The following NXPH2 variants were observed in gnomAD, a reference collection of about 807,000 sequenced individuals.
NXPH2 encodes neurexophilin-2.
NXPH2 carries 5 observed loss-of-function variants against 19.8 expected under a neutral mutation model. The ratio of observed to expected loss-of-function variants is 0.25; its 90% CI spans 0.13 to 0.53. The LOEUF is 0.53. NXPH2 is among the 20% of genes least tolerant of loss of function. The pLI, the probability that NXPH2 is intolerant of heterozygous loss-of-function variation, is 0.96. For missense variants in NXPH2, 289 were observed against 322.8 expected, an observed-to-expected ratio of 0.90 and a Z score of 0.80; for synonymous variants, 154 against 127.4, an observed-to-expected ratio of 1.21 and a Z score of -1.41.
At chr2:138,676,123 G>A (rs762330365) in intron 1 of NXPH2, among the ~76,000 whole-genome samples, 9 of 152,144 alleles carry the variant, frequency 5.9e-5, no homozygotes, top group South Asian at 2.1e-4. Context: ...TAAAATACAC[G>A]TACAGTTCTC....
chr2:138,755,256 C>T (rs1681889805), intron 1 of NXPH2, among the ~76,000 whole-genome samples: 2 of 151,966 alleles, frequency 1.3e-5, no homozygotes. Flanking sequence ...GACCCAAGGT[C>T]ACATAGATTT....
chr2:138,759,546 C>G (rs1393865032), intron 1 of NXPH2, among the ~76,000 whole-genome samples: 1 of 150,948 alleles, frequency 6.6e-6, no homozygotes, highest in African/African-American at 2.4e-5. Context: ...AGATTGCCAG[C>G]CCACTTTACC....
intron 1 of NXPH2, among the ~76,000 whole-genome samples, chr2:138,716,453 T>G (rs1681196544): frequency 6.6e-6 from 1 of 152,158 alleles, no homozygotes; most frequent in Admixed American, 6.5e-5. Context: ...GGAAGAATAC[T>G]CTCACCATAC....
chr2:138,708,239 C>G (rs1681046679), intron 1 of NXPH2, among the ~76,000 whole-genome samples: 2 of 152,208 alleles, frequency 1.3e-5, no homozygotes, highest in Admixed American at 6.5e-5. Flanking sequence ...CTGCTACTTT[C>G]CTCAGCCGTC....
At chr2:138,761,290 C>T (rs1682011191) in intron 1 of NXPH2, among the ~76,000 whole-genome samples, 1 of 152,168 alleles carries the variant, frequency 6.6e-6, no homozygotes, top group Non-Finnish European at 1.5e-5. Context: ...AATGTTTCGT[C>T]TGATTGATGT....
chr2:138,713,505 T>C (rs1249708174), intron 1 of NXPH2, among the ~76,000 whole-genome samples: 1 of 152,094 alleles, frequency 6.6e-6, no homozygotes, highest in African/African-American at 2.4e-5. Flanking sequence ...GTGAGAGAAA[T>C]AAAATGAATA....
chr2:138,768,926 C>T (rs1298317703), intron 1 of NXPH2, among the ~76,000 whole-genome samples: 1 of 152,152 alleles, frequency 6.6e-6, no homozygotes, highest in African/African-American at 2.4e-5. Flanking sequence ...GAATCCAAGT[C>T]AGCCTGACAT....
intron 1 of NXPH2, among the ~76,000 whole-genome samples, chr2:138,772,485 C>T (rs959773975): frequency 1.3e-5 from 2 of 152,052 alleles, no homozygotes; most frequent in Non-Finnish European, 2.9e-5. Flanking sequence ...TTAGTAGAGA[C>T]GGGGTTTCTC....
intron 1 of NXPH2, among the ~76,000 whole-genome samples, chr2:138,777,675 A>T (rs1018136543): frequency 6.6e-6 from 1 of 151,862 alleles, no homozygotes; most frequent in Non-Finnish European, 1.5e-5. Context: ...GGTAATTTTC[A>T]TATCACTAAA....
intron 1 of NXPH2, among the ~76,000 whole-genome samples, chr2:138,714,140 A>G (rs529546757): frequency 2.6e-5 from 4 of 152,268 alleles, no homozygotes; most frequent in Non-Finnish European, 4.4e-5. Context: ...TCAGTTCTCA[A>G]AATTCATACT....
At chr2:138,674,040 T>C (rs1452972154) in intron 1 of NXPH2, among the ~76,000 whole-genome samples, 3 of 151,898 alleles carry the variant, frequency 2.0e-5, no homozygotes, top group African/African-American at 4.8e-5. Flanking sequence ...GCTGGAGGCA[T>C]AATCATAGCT....
chr2:138,696,300 G>T (rs912421110), intron 1 of NXPH2, among the ~76,000 whole-genome samples: 1 of 152,066 alleles, frequency 6.6e-6, no homozygotes, highest in African/African-American at 2.4e-5. Context: ...ATAGAATAGA[G>T]AATCCAGAAA....
At chr2:138,686,716 A>C (rs2104972904) in intron 1 of NXPH2, among the ~76,000 whole-genome samples, 1 of 152,002 alleles carries the variant, frequency 6.6e-6, no homozygotes, top group Non-Finnish European at 1.5e-5. Context: ...CCCACCCCAC[A>C]ACAGGCCCCA....
intron 1 of NXPH2, among the ~76,000 whole-genome samples, chr2:138,704,295 C>A (rs978223160): frequency 6.6e-6 from 1 of 152,186 alleles, no homozygotes; most frequent in Non-Finnish European, 1.5e-5. Context: ...ACAGATATAA[C>A]CCAGGCTCTG....
intron 1 of NXPH2, among the ~76,000 whole-genome samples, chr2:138,726,835 G>A (rs1681368288): frequency 6.6e-6 from 1 of 151,996 alleles, no homozygotes; most frequent in African/African-American, 2.4e-5. Context: ...GTTTACTTCT[G>A]GTATTGTACA....
chr2:138,688,700 A>T (rs183637429), intron 1 of NXPH2, among the ~76,000 whole-genome samples: 11 of 152,358 alleles, frequency 7.2e-5, no homozygotes, highest in Non-Finnish European at 1.3e-4. Flanking sequence ...GGATCTTATG[A>T]CAAAAATGAA....
intron 1 of NXPH2, among the ~76,000 whole-genome samples, chr2:138,740,771 T>C (rs1681631055): frequency 1.3e-5 from 2 of 151,998 alleles, no homozygotes; most frequent in South Asian, 4.2e-4. Flanking sequence ...GCTTTATAGA[T>C]CACAGTAAGA....
intron 1 of NXPH2, among the ~76,000 whole-genome samples, chr2:138,694,738 T>A (rs1680804164): frequency 6.6e-6 from 1 of 152,216 alleles, no homozygotes; most frequent in Non-Finnish European, 1.5e-5. Flanking sequence ...GACTTTATGA[T>A]GGTGTGAAAG....
chr2:138,737,974 A>T (rs935411839), intron 1 of NXPH2, among the ~76,000 whole-genome samples: 7 of 151,504 alleles, frequency 4.6e-5, no homozygotes, highest in Admixed American at 1.3e-4. Flanking sequence ...CGTGCAGGTT[A>T]GTTACATATG....
Sources: allele counts gnomAD v4.1 joint callset (sites outside exome capture counted in the v4.1 genomes callset), GRCh38; gene constraint gnomAD v4.1.1; transcripts MANE v1.5; gene names NCBI Gene and HGNC (gene_info 2026-07-23, HGNC 2026-07-21).